C1orf21: variants seen among roughly 807,000 people sequenced by gnomAD.
C1orf21 encodes chromosome 1 open reading frame 21.
C1orf21 carries 3 observed loss-of-function variants against 18.7 expected under a neutral mutation model. The observed-to-expected ratio is 0.16, with a 90% CI of 0.07 to 0.42. The LOEUF (loss-of-function observed/expected upper bound fraction) is 0.42. Ranked by LOEUF, C1orf21 falls within the 10% of genes least tolerant of loss-of-function variation. The pLI is 0.99. For missense variants in C1orf21, 104 were observed against 143.6 expected (o/e 0.72, Z 1.41); for synonymous variants, 41 against 46.4 (o/e 0.88, Z 0.47).
intron 5 of C1orf21, among the ~76,000 whole-genome samples, chr1:184,598,885 T>C (rs1659551916): frequency 6.6e-6 from 1 of 152,190 alleles, no homozygotes; most frequent in Non-Finnish European, 1.5e-5. Flanking sequence ...TAATTCAATT[T>C]ATACTTAGGA....
intron 3 of C1orf21, among the ~76,000 whole-genome samples, chr1:184,520,372 G>A (rs1174695279): frequency 2.0e-5 from 3 of 152,180 alleles, no homozygotes; most frequent in Non-Finnish European, 4.4e-5. Flanking sequence ...AATCTGGTGA[G>A]TGGAACTGGA....
intron 1 of C1orf21, among the ~76,000 whole-genome samples, chr1:184,433,199 GT>G (rs1557971155): frequency 1.3e-5 from 2 of 152,162 alleles, no homozygotes; most frequent in Non-Finnish European, 2.9e-5. Flanking sequence ...GTGCAGAGTG[GT>G]AGAGTCCTTC....
chr1:184,444,062 C>T lies in C1orf21; in HGVS notation c.-124-33324C>T, dbSNP rs565184915. On this transcript the variant is annotated intron_variant, in intron 1 of 5. Coordinates refer to ENST00000235307, the MANE Select transcript of C1orf21 (RefSeq NM_030806.4). The stretch of plus-strand genomic sequence containing the variant: ...TGCCTTTCATTTCAATTTGTGTAAC[C>T]TGTGTCTCCATGGAAGATTCTGCCT... Among the ~76,000 whole-genome samples, 7 of 152,248 alleles carry T rather than the reference C, an allele frequency of 4.6e-5. No homozygotes were observed. The South Asian group carries it at 1.5e-3, about 32-fold the overall frequency.
chr1:184,429,180 T>C (rs1656692710), intron 1 of C1orf21, among the ~76,000 whole-genome samples: 1 of 152,220 alleles, frequency 6.6e-6, no homozygotes, highest in African/African-American at 2.4e-5. Context: ...AGTCCATTTC[T>C]TTTTTATTTA....
intron 1 of C1orf21, among the ~76,000 whole-genome samples, chr1:184,465,591 A>AAT (rs1232117695): frequency 6.6e-6 from 1 of 152,080 alleles, no homozygotes; most frequent in Non-Finnish European, 1.5e-5. Flanking sequence ...GCAGTGATGT[A>AAT]ATAGAGGTGA....
intron 3 of C1orf21, among the ~76,000 whole-genome samples, chr1:184,510,330 A>G (rs1557990357): frequency 6.6e-6 from 1 of 152,202 alleles, no homozygotes; most frequent in Admixed American, 6.5e-5. Flanking sequence ...TAGACTGCAG[A>G]GAAACAGATA....
intron 5 of C1orf21, among the ~76,000 whole-genome samples, chr1:184,610,687 A>G (rs2102008164): frequency 6.6e-6 from 1 of 152,216 alleles, no homozygotes; most frequent in Non-Finnish European, 1.5e-5. Context: ...TCTACTAAAA[A>G]TACAAAAAAA....
intron 1 of C1orf21, among the ~76,000 whole-genome samples, chr1:184,458,811 A>C (rs1044533143): frequency 1.3e-5 from 2 of 152,228 alleles, no homozygotes; most frequent in Admixed American, 6.5e-5. Flanking sequence ...TTAGTAACAA[A>C]ATGGTGAAGG....
At chr1:184,571,309 A>G (rs2101990066) in intron 3 of C1orf21, among the ~76,000 whole-genome samples, 1 of 151,902 alleles carries the variant, frequency 6.6e-6, no homozygotes, top group South Asian at 2.1e-4. Flanking sequence ...AAAAAAAAAA[A>G]AAAAAAAAAG....
intron 2 of C1orf21, among the ~76,000 whole-genome samples, chr1:184,493,420 A>G (rs1571384349): frequency 6.6e-6 from 1 of 152,284 alleles, no homozygotes; most frequent in Non-Finnish European, 1.5e-5. Context: ...GATGTTAAAT[A>G]GCACATCTTT....
intron 5 of C1orf21, among the ~76,000 whole-genome samples, chr1:184,599,184 C>T (rs1055177096): frequency 6.6e-6 from 1 of 152,040 alleles, no homozygotes; most frequent in African/African-American, 2.4e-5. Context: ...GATACAAATC[C>T]GAGTATTATA....
chr1:184,563,216 T>C (rs569288031), intron 3 of C1orf21, among the ~76,000 whole-genome samples: 1 of 152,370 alleles, frequency 6.6e-6, no homozygotes, highest in East Asian at 1.9e-4. Context: ...CCTCTTTCTT[T>C]AGGTTTAACA....
intron 1 of C1orf21, among the ~76,000 whole-genome samples, chr1:184,474,626 T>C (rs1193631621): frequency 6.6e-6 from 1 of 152,178 alleles, no homozygotes; most frequent in Non-Finnish European, 1.5e-5. Flanking sequence ...GCTGTAGATA[T>C]GAAATTGGAA....
chr1:184,428,389 G>C (rs1349976982), intron 1 of C1orf21, among the ~76,000 whole-genome samples: 1 of 152,186 alleles, frequency 6.6e-6, no homozygotes, highest in Non-Finnish European at 1.5e-5. Context: ...AGGAGGCAGG[G>C]AGGGACCAGA....
At chr1:184,546,638 A>G (rs1025451359) in intron 3 of C1orf21, among the ~76,000 whole-genome samples, 2 of 152,172 alleles carry the variant, frequency 1.3e-5, no homozygotes, top group African/African-American at 4.8e-5. Flanking sequence ...GAAAAAGCCA[A>G]TTGCATGTGT....
chr1:184,407,401 T>A (rs1474375022), intron 1 of C1orf21, among the ~76,000 whole-genome samples: 1 of 152,204 alleles, frequency 6.6e-6, no homozygotes, highest in Non-Finnish European at 1.5e-5. Flanking sequence ...TTACCATAAT[T>A]GAATGAATAT....
intron 3 of C1orf21, among the ~76,000 whole-genome samples, chr1:184,571,252 C>A (rs529489550): frequency 4.8e-5 from 7 of 147,212 alleles, no homozygotes; most frequent in Non-Finnish European, 1.0e-4. Flanking sequence ...AGCCGAGATC[C>A]CGCCACTGCA....
intron 1 of C1orf21, among the ~76,000 whole-genome samples, chr1:184,460,620 G>GTCGTCTTCTTCTTCTTCTTCTTCTTCT (rs1284129710): frequency 5.4e-5 from 6 of 112,092 alleles, no homozygotes; most frequent in African/African-American, 2.4e-4. Flanking sequence ...TGTCGTCGTC[G>GTCGTCTTCTTCTTCTTCTTCTTCTTCT]TCTTCTTCTT....
intron 3 of C1orf21, among the ~76,000 whole-genome samples, chr1:184,548,516 G>T (rs1225706098): frequency 6.8e-6 from 1 of 146,762 alleles, no homozygotes. Flanking sequence ...CCGGGTTCAC[G>T]CCATTCTCCC....
Sources: gnomAD v4.1 joint callset for allele counts (sites outside exome capture counted in the v4.1 genomes callset) on GRCh38, gnomAD v4.1.1 for gene constraint, MANE v1.5 for transcripts, NCBI Gene and HGNC (gene_info 2026-07-23, HGNC 2026-07-21) for gene names.